PPARGC1B: variants seen among roughly 807,000 people sequenced by gnomAD.
PPARGC1B encodes PPARG coactivator 1 beta, also known as peroxisome proliferator-activated receptor gamma coactivator 1-beta.
A neutral mutation model predicts 101.6 loss-of-function variants in PPARGC1B; 34 were observed. The ratio of observed to expected loss-of-function variants is 0.33; its 90% confidence interval spans 0.25 to 0.45. The LOEUF (loss-of-function observed/expected upper bound fraction) is 0.45, where lower values mean the gene tolerates loss of function less well. PPARGC1B is among the 20% of genes least tolerant of loss of function. The pLI is 1.00. For missense variants in PPARGC1B, 1,234 were observed against 1,317.6 expected (o/e 0.94, Z 0.98); for synonymous variants, 548 against 539.3 (o/e 1.02, Z -0.22).
intron 6 of PPARGC1B, 111 bp from the exon 7 acceptor site, chr5:149,835,190 C>G: frequency 1.1e-6 from 1 of 930,702 alleles, no homozygotes; most frequent in Non-Finnish European, 1.7e-6. Flanking sequence ...TTTCCATGGG[C>G]AGTGGAACCA....
chr5:149,833,614 A>G lies in PPARGC1B; in HGVS notation c.1541A>G (p.Lys514Arg), dbSNP rs369234484. 6.2e-7 allele frequency: 1 copy of G among 1,608,788 alleles called. No homozygotes were observed. Among genetic ancestry groups the G allele is most frequent in the Non-Finnish European group, 8.5e-7 (1 of 1,177,918 alleles). The stretch of plus-strand genomic sequence containing the variant: ...CTGCCCTCACTGTGCCTGGCTCCCA[A>G]GGCCTACGACGTAGAGCGGGAGCTG... ...GALPSLCLAPKAYDVERELGS... is the reference protein window; with the variant it reads ...GALPSLCLAPRAYDVERELGS... The change falls in exon 5 of 12, where the codon AAG (lysine) becomes AGG (arginine). Residue 514 changes from lysine to arginine, a missense_variant. By Grantham distance (26) the Lys-to-Arg change is conservative. Around this residue, in one of 3 missense-constraint regions of PPARGC1B, gnomAD observed 734 missense variants for 768.4 expected, o/e 0.96. Transcript: ENST00000309241. The surrounding 1 kb of genome is among the most constrained non-coding windows in gnomAD (Gnocchi z 4.1).
In PPARGC1B at chr5:149,832,891, C is replaced by T; in HGVS notation, c.818C>T (p.Ala273Val). 6 of 1,612,872 alleles carry T rather than the reference C, an allele frequency of 3.7e-6. No homozygotes were observed. The highest frequency in any genetic ancestry group is 1.1e-5 in the South Asian group (1 of 90,992). ...CGGGACTCCCTAGCTCTGGGCAGGG[C>T]AGACCCCGGTGCCCCGGTTTCCCAG... ...SPRDSLALGR[A>V]DPGAPVSQED... The change falls in exon 5 of 12, where the codon GCA becomes GTA. Residue 273 changes from alanine (A) to valine (V), a missense_variant. Physicochemically the swap from Ala to Val is moderately conservative, Grantham distance 64. This residue lies in a region of PPARGC1B where 734 missense variants were observed against 768.4 expected (regional missense o/e 0.96). Coordinates refer to ENST00000309241, the MANE Select transcript of PPARGC1B (RefSeq NM_133263.4). This position sits in a 1 kb window ranked among gnomAD's most constrained non-coding sequence, Gnocchi z 4.9.
intron 1 of PPARGC1B, among the ~76,000 whole-genome samples, chr5:149,803,081 G>A (rs1031014670): frequency 1.3e-5 from 2 of 152,130 alleles, no homozygotes; most frequent in Admixed American, 6.5e-5. Flanking sequence ...CCCTGCCCAC[G>A]TGCTGACCCT....
intron 1 of PPARGC1B, among the ~76,000 whole-genome samples, chr5:149,810,401 G>T (rs954739807): frequency 3.0e-4 from 46 of 152,240 alleles, no homozygotes; most frequent in African/African-American, 1.0e-3. Flanking sequence ...GCTGCCGAAG[G>T]TGGGGTGGGG....
chr5:149,794,317 G>C (rs1757127385), intron 1 of PPARGC1B, among the ~76,000 whole-genome samples: 1 of 152,154 alleles, frequency 6.6e-6, no homozygotes. Context: ...AAATTAGCAA[G>C]TGTTAAGGCC....
At chr5:149,798,178 C>G (rs551296543) in intron 1 of PPARGC1B, among the ~76,000 whole-genome samples, 2 of 152,304 alleles carry the variant, frequency 1.3e-5, no homozygotes, top group Admixed American at 6.5e-5. Flanking sequence ...TTTCTCATTC[C>G]AAAGTCAGCG....
intron 1 of PPARGC1B, among the ~76,000 whole-genome samples, chr5:149,738,082 C>T (rs180868285): frequency 1.4e-4 from 22 of 152,286 alleles, no homozygotes; most frequent in Admixed American, 3.3e-4. Flanking sequence ...AGAATAAGCA[C>T]CAAATAATAG....
At chr5:149,808,607 C>T (rs913340994) in intron 1 of PPARGC1B, among the ~76,000 whole-genome samples, 2 of 152,144 alleles carry the variant, frequency 1.3e-5, no homozygotes, top group African/African-American at 4.8e-5. Flanking sequence ...TTGACAAAAC[C>T]TGAAATTGTT....
chr5:149,837,062 A>G lies in PPARGC1B; in HGVS notation c.2607A>G (p.Arg869=). ...GCCACTCCTGGTCACCAGCCACTCG[A>G]AGGAACTTCAGGTATGAACAGGGGG... The part of the protein sequence containing the change: ...SPCHSWSPAT[R]RNFRCESRGP... The change falls in exon 8 of 12, where the codon CGA becomes CGG. Residue 869 remains arginine, a synonymous_variant. Transcript: ENST00000309241. This position sits in a 1 kb window ranked among gnomAD's most constrained non-coding sequence, Gnocchi z 4.2. The G allele has an allele frequency of 1.2e-6, 2 of 1,612,346 alleles. No homozygotes were observed. The highest frequency in any genetic ancestry group is 1.1e-5 in the South Asian group (1 of 90,884).
At chr5:149,818,915 G>A (rs1283265671) in intron 1 of PPARGC1B, 1 of 456,002 alleles carries the variant, frequency 2.2e-6, no homozygotes, top group Non-Finnish European at 4.4e-6. Flanking sequence ...CACAACTGGT[G>A]AATGGGGATC....
chr5:149,829,753 G>A (rs1020948433), intron 3 of PPARGC1B, among the ~76,000 whole-genome samples: 19 of 151,542 alleles, frequency 1.3e-4, no homozygotes, highest in Admixed American at 5.9e-4. Context: ...CAACAGGGTA[G>A]GGCCAGGCAC....
At chr5:149,818,361 A>G (rs1418287760) in intron 1 of PPARGC1B, among the ~76,000 whole-genome samples, 2 of 152,298 alleles carry the variant, frequency 1.3e-5, no homozygotes, top group Non-Finnish European at 2.9e-5. Context: ...TGTGGAATAC[A>G]TGTGGATTGG....
At chr5:149,805,883 A>G (rs1757580126) in intron 1 of PPARGC1B, among the ~76,000 whole-genome samples, 1 of 152,254 alleles carries the variant, frequency 6.6e-6, no homozygotes, top group Admixed American at 6.5e-5. Context: ...GCCCAGGGCC[A>G]TGGTGGAGCT....
chr5:149,735,559 T>C (rs1425291026), intron 1 of PPARGC1B, among the ~76,000 whole-genome samples: 2 of 152,254 alleles, frequency 1.3e-5, no homozygotes, highest in African/African-American at 4.8e-5. Context: ...TGCAGTTTTC[T>C]GAGCCTTCTG....
At chr5:149,757,107 A>G (rs1755557847) in intron 1 of PPARGC1B, among the ~76,000 whole-genome samples, 1 of 152,164 alleles carries the variant, frequency 6.6e-6, no homozygotes, top group African/African-American at 2.4e-5. Context: ...AGGGCATGTC[A>G]TGGGGGTAGG....
chr5:149,789,376 C>T (rs558456134), intron 1 of PPARGC1B, among the ~76,000 whole-genome samples: 7 of 152,250 alleles, frequency 4.6e-5, no homozygotes, highest in Admixed American at 2.0e-4. Context: ...TGTGTCCTTG[C>T]GGAAGTCATT....
At chr5:149,839,226 A>C (rs530951787) in intron 8 of PPARGC1B, among the ~76,000 whole-genome samples, 1 of 152,238 alleles carries the variant, frequency 6.6e-6, no homozygotes, top group Admixed American at 6.5e-5. Flanking sequence ...AGGGATGGAC[A>C]CAATTGGTTA....
chr5:149,736,857 A>G (rs1201186993), intron 1 of PPARGC1B, among the ~76,000 whole-genome samples: 1 of 151,982 alleles, frequency 6.6e-6, no homozygotes, highest in Non-Finnish European at 1.5e-5. Context: ...CAACATGCAT[A>G]GCCTCCCCCA....
At chr5:149,751,983 T>C (rs1296443080) in intron 1 of PPARGC1B, among the ~76,000 whole-genome samples, 1 of 152,202 alleles carries the variant, frequency 6.6e-6, no homozygotes, top group Non-Finnish European at 1.5e-5. Flanking sequence ...AATGCATGTA[T>C]AATGGATCTG....
Sources: gnomAD v4.1 joint callset for allele counts (sites outside exome capture counted in the v4.1 genomes callset) on GRCh38, gnomAD v4.1.1 for gene constraint, gnomAD v4.1.1 regional missense constraint, Gnocchi (gnomAD v3.1) non-coding constraint, MANE v1.5 for transcripts, NCBI Gene and HGNC (gene_info 2026-07-23, HGNC 2026-07-21) for gene names.